SORCS3: variants seen among roughly 807,000 people sequenced by gnomAD.
The protein encoded by SORCS3 is VPS10 domain-containing receptor SorCS3.
SORCS3 carries 57 observed loss-of-function variants against 146.3 expected under a neutral mutation model. The observed-to-expected ratio is 0.39, with a 90% CI of 0.31 to 0.49. The LOEUF is 0.49. SORCS3 is among the 20% of genes least tolerant of loss of function. The pLI is 0.92. For synonymous variants in SORCS3, 653 were observed against 618.5 expected, an observed-to-expected ratio of 1.06 and a Z score of -0.83; for missense variants, 1,341 against 1,575.5, an observed-to-expected ratio of 0.85 and a Z score of 2.52.
At chr10:104,791,618 CAAG>C in intron 1 of SORCS3, among the ~76,000 whole-genome samples, 1 of 152,154 alleles carries the variant, frequency 6.6e-6, no homozygotes, top group Non-Finnish European at 1.5e-5. Context: ...GCTATGTATT[CAAG>C]TGAAGCTCAG....
In SORCS3 at chr10:105,158,883, C is replaced by T. The variant is rs190830093; in HGVS notation, c.1630-9C>T. On this transcript the variant is annotated splice_polypyrimidine_tract_variant and intron_variant, in intron 10 of 26. Transcript: ENST00000369701. ...TCCTAGAATGAAACTATTTCTTTCT[C>T]CATTTTAGCCCTTCTGTTCCTTACA... 1.3e-5 allele frequency: 21 copies of T among 1,602,594 alleles called. No homozygotes were observed. In the Middle Eastern group the frequency reaches 6.9e-4, roughly 53 times the overall value.
At chr10:104,725,401 C>G (rs1479837639) in intron 1 of SORCS3, among the ~76,000 whole-genome samples, 23 of 152,318 alleles carry the variant, frequency 1.5e-4, no homozygotes, top group Admixed American at 1.4e-3. Context: ...GGGTTGCCTC[C>G]CAGTTAGGCT....
chr10:105,196,110 CTCTGAGATCAGTAA>C (rs1204942467), intron 14 of SORCS3, among the ~76,000 whole-genome samples: 1 of 152,188 alleles, frequency 6.6e-6, no homozygotes, highest in East Asian at 1.9e-4. Flanking sequence ...GAAATGAGCA[CTCTGAGATCAGTAA>C]TGGATATCTC....
chr10:104,793,452 G>A (rs906236677), intron 1 of SORCS3, among the ~76,000 whole-genome samples: 3 of 152,190 alleles, frequency 2.0e-5, no homozygotes, highest in Non-Finnish European at 4.4e-5. Flanking sequence ...TTGGTAGGAT[G>A]TTGGGGAGGG....
intron 1 of SORCS3, among the ~76,000 whole-genome samples, chr10:104,762,009 A>G (rs2017127004): frequency 6.6e-6 from 1 of 152,214 alleles, no homozygotes. Context: ...ACCAAATTTC[A>G]TGGAAACACT....
intron 14 of SORCS3, among the ~76,000 whole-genome samples, chr10:105,197,215 C>T (rs2056548941): frequency 6.6e-6 from 1 of 152,184 alleles, no homozygotes; most frequent in Non-Finnish European, 1.5e-5. Flanking sequence ...AGGAAGTGGT[C>T]ATATCTTATT....
At chr10:104,898,817 C>A (rs943492669) in intron 2 of SORCS3, among the ~76,000 whole-genome samples, 1 of 152,188 alleles carries the variant, frequency 6.6e-6, no homozygotes. Context: ...CTGCATAGAA[C>A]AGAGCCCCTA....
intron 2 of SORCS3, among the ~76,000 whole-genome samples, chr10:104,897,799 G>A (rs947999775): frequency 6.6e-6 from 1 of 152,166 alleles, no homozygotes; most frequent in African/African-American, 2.4e-5. Context: ...CTTTGAGCAA[G>A]TCCTGTTCTG....
intron 2 of SORCS3, among the ~76,000 whole-genome samples, chr10:104,872,409 G>A (rs1055643820): frequency 1.3e-5 from 2 of 152,024 alleles, no homozygotes; most frequent in African/African-American, 4.8e-5. Context: ...CTTTGGCCCA[G>A]GGAAGAAAAT....
chr10:105,256,937 A>C lies in SORCS3; in HGVS notation c.3443+13A>C. 3.1e-6 allele frequency: 5 copies of C among 1,588,214 alleles called. No homozygotes were observed. The highest frequency in any genetic ancestry group is 4.3e-6 in the Non-Finnish European group (5 of 1,156,512). ...ACAAGTTTAAAAGGTATGTCCTATT[A>C]TCACTCAATTTAGTAGTGGGGTTGG... On this transcript the variant is annotated intron_variant, in intron 25 of 26. Coordinates refer to ENST00000369701, the MANE Select transcript of SORCS3 (RefSeq NM_014978.3).
At chr10:105,091,057 C>G (rs1237739948) in intron 6 of SORCS3, among the ~76,000 whole-genome samples, 2 of 151,998 alleles carry the variant, frequency 1.3e-5, no homozygotes, top group African/African-American at 4.8e-5. Flanking sequence ...ATTTCTGCCA[C>G]TCTGTACTCC....
intron 4 of SORCS3, among the ~76,000 whole-genome samples, chr10:105,032,469 G>C (rs1438056890): frequency 1.3e-5 from 2 of 152,064 alleles, no homozygotes; most frequent in Non-Finnish European, 2.9e-5. Context: ...TGAAAGAATA[G>C]CCTTTGAAGT....
intron 2 of SORCS3, among the ~76,000 whole-genome samples, chr10:104,875,085 G>A (rs2018557477): frequency 6.6e-6 from 1 of 152,026 alleles, no homozygotes; most frequent in African/African-American, 2.4e-5. Flanking sequence ...CTCTCCTCGA[G>A]TCACATGTCT....
intron 8 of SORCS3, among the ~76,000 whole-genome samples, chr10:105,146,143 C>T (rs556234056): frequency 6.6e-6 from 1 of 152,078 alleles, no homozygotes; most frequent in South Asian, 2.1e-4. Context: ...GGCATATACA[C>T]CAGTATGTTT....
chr10:104,717,247 T>G (rs571996339), intron 1 of SORCS3, among the ~76,000 whole-genome samples: 1 of 145,634 alleles, frequency 6.9e-6, no homozygotes, highest in Admixed American at 7.1e-5. Flanking sequence ...GTTGTACCAC[T>G]GCACTCCAGC....
intron 3 of SORCS3, among the ~76,000 whole-genome samples, chr10:104,961,402 G>A (rs866956633): frequency 2.6e-5 from 4 of 152,162 alleles, no homozygotes; most frequent in Middle Eastern, 3.4e-3. Context: ...TCCTAATGTG[G>A]AGAAAAGAAA....
intron 19 of SORCS3, among the ~76,000 whole-genome samples, chr10:105,218,682 A>T (rs2056679603): frequency 6.6e-6 from 1 of 152,200 alleles, no homozygotes; most frequent in African/African-American, 2.4e-5. Context: ...AATGTCTACT[A>T]TTGGTCAATG....
chr10:105,260,711 G>A (rs527341362), intron 25 of SORCS3, among the ~76,000 whole-genome samples: 16 of 152,196 alleles, frequency 1.1e-4, no homozygotes, highest in Non-Finnish European at 2.4e-4. Flanking sequence ...GAGCAGATAG[G>A]GGAATGTAGA....
chr10:104,666,539 C>T (rs1347728336), intron 1 of SORCS3, among the ~76,000 whole-genome samples: 1 of 152,166 alleles, frequency 6.6e-6, no homozygotes, highest in Non-Finnish European at 1.5e-5. Context: ...GAATGTAGAC[C>T]TGGGACCTTT....
Sources: gnomAD v4.1 joint callset for allele counts (sites outside exome capture counted in the v4.1 genomes callset) on GRCh38, gnomAD v4.1.1 for gene constraint, MANE v1.5 for transcripts, NCBI Gene and HGNC (gene_info 2026-07-23, HGNC 2026-07-21) for gene names.